Variants in OR52N4 observed in about 807,000 individuals in gnomAD.
OR52N4 encodes olfactory receptor 52N4.
OR52N4 carries 15 observed loss-of-function variants against 15.0 expected under a neutral mutation model. The ratio of observed to expected loss-of-function variants is 1.00; its 90% CI spans 0.67 to 1.54. The LOEUF (loss-of-function observed/expected upper bound fraction) is 1.54. OR52N4 is among the 40% of genes most tolerant of loss of function. The pLI, the probability that OR52N4 is intolerant of heterozygous loss-of-function variation, is 0.00. For missense variants in OR52N4, 421 were observed against 394.0 expected (o/e 1.07, Z -0.58); for synonymous variants, 143 against 143.7 (o/e 1.00, Z 0.03).
the OR52N4 span, chr11:5,736,908 G>T: frequency 1.2e-6 from 2 of 1,614,056 alleles, no homozygotes; most frequent in Admixed American, 3.3e-5. Context: ...GCTTTTGATA[G>T]ATATGTGGCT....
intron 1 of OR52N4, among the ~76,000 whole-genome samples, 193 bp from the exon 2 acceptor site, chr11:5,754,500 T>C (rs5012841): frequency 0.17 from 26,252 of 152,056 alleles, 2,415 homozygotes; most frequent in East Asian, 0.25. Flanking sequence ...CTTAGACTGC[T>C]CAATAAGAAT....
the OR52N4 span, among the ~76,000 whole-genome samples, chr11:5,727,933 C>T: frequency 1.3e-5 from 2 of 152,142 alleles, no homozygotes; most frequent in Non-Finnish European, 1.5e-5. Context: ...TTCCATAAAC[C>T]CTGTATTTCT....
At chr11:5,736,759 T>G in the OR52N4 span, 3 of 1,614,042 alleles carry the variant, frequency 1.9e-6, no homozygotes, top group Non-Finnish European at 2.5e-6. Flanking sequence ...TAGACATGGG[T>G]CTGGCCACTA....
chr11:5,752,879 CATTTA>C (rs1854219238), upstream of OR52N4, among the ~76,000 whole-genome samples: 1 of 151,990 alleles, frequency 6.6e-6, no homozygotes, highest in African/African-American at 2.4e-5. Context: ...TTTTGTATTT[CATTTA>C]AAGATCACAA....
upstream of OR52N4, among the ~76,000 whole-genome samples, chr11:5,750,859 A>G (rs570612113): frequency 6.6e-6 from 1 of 152,036 alleles, no homozygotes; most frequent in South Asian, 2.1e-4. Flanking sequence ...TAAAATTTCA[A>G]TTTTTGAACC....
upstream of OR52N4, among the ~76,000 whole-genome samples, chr11:5,753,391 A>C (rs1564957930): frequency 6.6e-6 from 1 of 152,128 alleles, no homozygotes; most frequent in South Asian, 2.1e-4. Flanking sequence ...GATTAATATA[A>C]AAGTTTGTGC....
chr11:5,750,319 A>T (rs1854164053), upstream of OR52N4, among the ~76,000 whole-genome samples: 1 of 151,946 alleles, frequency 6.6e-6, no homozygotes, highest in South Asian at 2.1e-4. Context: ...TTCTCCACCC[A>T]GGTAATTGTT....
the OR52N4 span, among the ~76,000 whole-genome samples, chr11:5,729,120 T>TTTTTA: frequency 7.5e-6 from 1 of 133,790 alleles, no homozygotes; most frequent in Non-Finnish European, 1.6e-5. Context: ...TGAGATTTTT[T>TTTTTA]TTTTTTTTTT....
At chr11:5,740,932 G>A in the OR52N4 span, among the ~76,000 whole-genome samples, 2 of 127,776 alleles carry the variant, frequency 1.6e-5, no homozygotes, top group Non-Finnish European at 3.5e-5. Flanking sequence ...TGTGCACTCT[G>A]GTTGAGAAAA....
the OR52N4 span, among the ~76,000 whole-genome samples, chr11:5,730,284 C>T: frequency 2.7e-5 from 4 of 150,680 alleles, no homozygotes; most frequent in Non-Finnish European, 4.4e-5. Flanking sequence ...CTCTGCCTCC[C>T]GGGTTCATGC....
the OR52N4 span, among the ~76,000 whole-genome samples, chr11:5,738,996 G>C: frequency 1.6e-5 from 2 of 126,542 alleles, no homozygotes; most frequent in Non-Finnish European, 3.5e-5. Flanking sequence ...CTTCCAGTTA[G>C]ATTTCAAAAG....
the OR52N4 span, among the ~76,000 whole-genome samples, chr11:5,746,981 C>A: frequency 0.031 from 4,615 of 148,036 alleles, 67 homozygotes; most frequent in Middle Eastern, 0.096. Flanking sequence ...CCTATAATGC[C>A]AGCACTTTGG....
At chr11:5,750,903 GT>G (rs1487933630), upstream of OR52N4, among the ~76,000 whole-genome samples, 9 of 151,842 alleles carry the variant, frequency 5.9e-5, no homozygotes, top group African/African-American at 2.2e-4. Flanking sequence ...TTAAAAATGA[GT>G]TTATAAGCTG....
the OR52N4 span, among the ~76,000 whole-genome samples, chr11:5,744,829 G>A: frequency 6.6e-6 from 1 of 152,152 alleles, no homozygotes; most frequent in Admixed American, 6.5e-5. Flanking sequence ...AGGAGGATTG[G>A]AGGATCTCTT....
the OR52N4 span, among the ~76,000 whole-genome samples, chr11:5,739,508 G>C: frequency 9.0e-6 from 1 of 111,126 alleles, no homozygotes; most frequent in Non-Finnish European, 1.9e-5. Context: ...GCTGCAGTGA[G>C]CTGTGATCAC....
At chr11:5,745,306 T>C in the OR52N4 span, among the ~76,000 whole-genome samples, 1 of 152,152 alleles carries the variant, frequency 6.6e-6, no homozygotes, top group Non-Finnish European at 1.5e-5. Flanking sequence ...CCCTAAAGAC[T>C]CATCCAAAAG....
At chr11:5,729,270 C>T in the OR52N4 span, among the ~76,000 whole-genome samples, 1 of 151,878 alleles carries the variant, frequency 6.6e-6, no homozygotes, top group Non-Finnish European at 1.5e-5. Flanking sequence ...CAGGCACCCG[C>T]CAACACACCC....
At chr11:5,736,232 G>C in the OR52N4 span, 1 of 364,070 alleles carries the variant, frequency 2.7e-6, no homozygotes, top group Non-Finnish European at 5.1e-6. Context: ...GGCTATGTAA[G>C]ACGTTAATGG....
At chr11:5,731,723 G>A in the OR52N4 span, among the ~76,000 whole-genome samples, 3 of 152,010 alleles carry the variant, frequency 2.0e-5, no homozygotes, top group African/African-American at 7.2e-5. Flanking sequence ...CATGGAAAGT[G>A]GCTCTCATCA....
Sources: gnomAD v4.1 joint callset for allele counts (sites outside exome capture counted in the v4.1 genomes callset) on GRCh38, gnomAD v4.1.1 for gene constraint, MANE v1.5 for transcripts, NCBI Gene and HGNC (gene_info 2026-07-23, HGNC 2026-07-21) for gene names.